Variants in DYNC1H1 observed in about 807,000 individuals in gnomAD.
DYNC1H1 encodes the protein dynein cytoplasmic 1 heavy chain 1.
In DYNC1H1, 51 loss-of-function variants were observed where a neutral mutation model predicts 527.1. The observed-to-expected ratio is 0.10, with a 90% CI of 0.08 to 0.12. DYNC1H1 has a LOEUF of 0.12. Among genes scored for constraint, DYNC1H1 ranks in the 10% least tolerant of loss-of-function variants. DYNC1H1 has a pLI of 1.00. For missense variants in DYNC1H1, 2,771 were observed against 5,971.8 expected (o/e 0.46, Z 17.66); for synonymous variants, 2,189 against 2,278.8 (o/e 0.96, Z 1.12).
rs765527337 is a variant in DYNC1H1 at position 102,017,320 on chromosome 14, C to T, written c.8055+26C>T. On this transcript the variant is annotated intron_variant, in intron 39 of 77. Transcript: ENST00000360184. The surrounding 1 kb of genome is among the most constrained non-coding windows in gnomAD (Gnocchi z 4.6). ...GTTTGTTTCTATCCACAAGGCCCTT[C>T]CTGCCCCACAATGTTTCTTGTTCAA... 22 of 1,614,094 alleles carry T rather than the reference C, an allele frequency of 1.4e-5. No individual in the cohort carries two copies. Among genetic ancestry groups the T allele is most frequent in the Non-Finnish European group, 1.5e-5 (18 of 1,180,042 alleles).
chr14:101,980,656 C>T (rs921383842), intron 5 of DYNC1H1, 106 bp downstream of exon 5: 22 of 1,318,258 alleles, frequency 1.7e-5, no homozygotes, highest in Middle Eastern at 2.1e-4. Flanking sequence ...GATGTACTGT[C>T]GTTTTTAACC....
chr14:102,033,768 C>A lies in DYNC1H1; in HGVS notation c.10414-208C>A, dbSNP rs1207083946. 2.9e-6 allele frequency: 2 copies of A among 695,050 alleles called. No homozygotes were observed. Among genetic ancestry groups the A allele is most frequent in the Non-Finnish European group, 4.9e-6 (2 of 408,698 alleles). The allele number at this position is 695,050 out of a possible 1,614,324, so 43.1% of individuals were successfully genotyped here. On this transcript the variant is annotated intron_variant, in intron 54 of 77. Transcript: ENST00000360184. The surrounding 1 kb of genome is among the most constrained non-coding windows in gnomAD (Gnocchi z 5.6). ...CTGCCTGAGGGCCTCGCTCCGTACCCAGCTTCTGCCCCGCTGAGATTCTGA... is the reference window on the plus strand; with the variant it reads ...CTGCCTGAGGGCCTCGCTCCGTACCAAGCTTCTGCCCCGCTGAGATTCTGA...
intron 43 of DYNC1H1, among the ~76,000 whole-genome samples, chr14:102,025,969 C>T (rs1378893925): frequency 6.6e-6 from 1 of 151,980 alleles, no homozygotes; most frequent in African/African-American, 2.4e-5. Context: ...ACAAAAATTA[C>T]CTGGGCATGG....
chr14:101,976,799 AC>A (rs1422701819), intron 2 of DYNC1H1, among the ~76,000 whole-genome samples: 1 of 152,220 alleles, frequency 6.6e-6, no homozygotes, highest in African/African-American at 2.4e-5. Flanking sequence ...TCAACCAACC[AC>A]AGATAGAAAA....
At position 102,039,818 on chromosome 14, in the gene DYNC1H1, CTTTT is replaced by C; in HGVS notation, c.11690+87_11690+90del. On this transcript the variant is annotated intron_variant, in intron 62 of 77. Transcript: ENST00000360184. The surrounding 1 kb of genome is among the most constrained non-coding windows in gnomAD (Gnocchi z 7.0). ...GATCAGATACATGCTTTTATTATTTCTTTTATTTTCTCTTTTATTTTCTTTATTT... is the reference window on the plus strand; with the variant it reads ...GATCAGATACATGCTTTTATTATTTCATTTTCTCTTTTATTTTCTTTATTT... 23 of 1,411,664 alleles carry C rather than the reference CTTTT, an allele frequency of 1.6e-5. No homozygotes were observed. The highest frequency in any genetic ancestry group is 2.4e-5 in the East Asian group (1 of 41,700). The allele number at this position is 1,411,664 out of a possible 1,614,324, so 87.4% of individuals were successfully genotyped here.
At position 102,005,827 on chromosome 14, in the gene DYNC1H1, C is replaced by T; in HGVS notation, c.5434-61C>T. 8.1e-6 allele frequency: 13 copies of T among 1,603,498 alleles called. No individual in the cohort carries two copies. Among genetic ancestry groups the T allele is most frequent in the East Asian group, 2.2e-5 (1 of 44,838 alleles). On this transcript the variant is annotated intron_variant, in intron 26 of 77. Transcript: ENST00000360184. The surrounding 1 kb of genome is among the most constrained non-coding windows in gnomAD (Gnocchi z 4.0). ...ATTTCAGTTTAACAGTCCACAAACC[C>T]GGAGAATGCACTGTATTGCTTTAGT...
At chr14:101,971,470 T>C (rs2047738312) in intron 1 of DYNC1H1, among the ~76,000 whole-genome samples, 1 of 151,328 alleles carries the variant, frequency 6.6e-6, no homozygotes. Context: ...CTCACGCCTG[T>C]AATCCCAACA....
rs192523201 is a variant in DYNC1H1 at position 102,051,249 on chromosome 14, C to T, written c.*686C>T. On this transcript the variant is annotated 3_prime_UTR_variant, in exon 78 of 78. Coordinates refer to ENST00000360184, the MANE Select transcript of DYNC1H1 (RefSeq NM_001376.5). ...CCAGCCTGGGTGACAGAGCAAGACC[C>T]TGTCTCAAAAAAAAAAAAAGCTGGG... is the stretch of plus-strand genomic sequence containing the variant. 0.053 allele frequency: 7,924 copies of T among 148,198 alleles called. 530 individuals are homozygous for T. The highest frequency in any genetic ancestry group is 0.17 in the African/African-American group (6,455 of 37,326). 9.2% of individuals were successfully genotyped at this position (148,198 alleles called of 1,614,324 possible). A position where few individuals can be genotyped will look rare whatever the true frequency, so the allele number is the denominator to read the frequency against.
intron 43 of DYNC1H1, 34 bp from the exon 44 acceptor site, chr14:102,026,540 C>G: frequency 2.5e-6 from 4 of 1,612,278 alleles, no homozygotes; most frequent in Non-Finnish European, 3.4e-6. Flanking sequence ...ACATTTTTTT[C>G]TAAGTAATTT....
chr14:102,049,983 G>A lies in DYNC1H1; in HGVS notation c.13685-88G>A. ...ATGCACTTAGGGTGACCGGCTGGCAGTTGGGTGGAGCCTCTGGGCGCCCTG... is the reference window on the plus strand; with the variant it reads ...ATGCACTTAGGGTGACCGGCTGGCAATTGGGTGGAGCCTCTGGGCGCCCTG... On this transcript the variant is annotated intron_variant, in intron 76 of 77. Coordinates refer to ENST00000360184, the MANE Select transcript of DYNC1H1 (RefSeq NM_001376.5). The surrounding 1 kb of genome is among the most constrained non-coding windows in gnomAD (Gnocchi z 5.5). 6.2e-7 allele frequency: 1 copy of A among 1,614,020 alleles called. No homozygotes were observed. The highest frequency in any genetic ancestry group is 1.1e-5 in the South Asian group (1 of 91,060).
chr14:102,005,272 G>GACTCTT lies in DYNC1H1; in HGVS notation c.5433+39_5433+44dup, dbSNP rs781157176. On this transcript the variant is annotated intron_variant, in intron 26 of 77. Coordinates refer to ENST00000360184, the MANE Select transcript of DYNC1H1 (RefSeq NM_001376.5). This position sits in a 1 kb window ranked among gnomAD's most constrained non-coding sequence, Gnocchi z 4.0. Reference sequence around the variant, plus strand: ...CACCTGACTCCTTCCTTACCAGTTAGACTCTTACACCCTCAACCACACAGT... The same window carrying GACTCTT: ...CACCTGACTCCTTCCTTACCAGTTAGACTCTTACTCTTACACCCTCAACCACACAGT... The GACTCTT allele has an allele frequency of 1.6e-5, 26 of 1,612,014 alleles. No homozygotes were observed. The highest frequency in any genetic ancestry group is 3.4e-6 in the Non-Finnish European group (4 of 1,178,522).
Position 102,053,141 on chromosome 14 carries a change from C to CT in DYNC1H1, c.*2595dup, listed in dbSNP as rs34327327. The stretch of plus-strand genomic sequence containing the variant: ...CTGCCTTGCAAATGAATTTTTCTTT[C>CT]TTTTTTTTTTTTTTTTTGAGACGGA... On this transcript the variant is annotated 3_prime_UTR_variant, in exon 78 of 78. Transcript: ENST00000360184. 1,259 of 134,838 alleles carry CT rather than the reference C, an allele frequency of 9.3e-3. 16 individuals are homozygous for CT. The highest frequency in any genetic ancestry group is 0.039 in the East Asian group (182 of 4,706). 8.4% of individuals were successfully genotyped at this position (134,838 alleles called of 1,614,324 possible). A position where few individuals can be genotyped will look rare whatever the true frequency, so the allele number is the denominator to read the frequency against.
At chr14:102,024,974 A>G (rs1273246708) in intron 43 of DYNC1H1, among the ~76,000 whole-genome samples, 1 of 151,370 alleles carries the variant, frequency 6.6e-6, no homozygotes, top group Non-Finnish European at 1.5e-5. Context: ...GATTACAGGC[A>G]TGAACCACTG....
In DYNC1H1 at chr14:102,029,405, G is replaced by T; in HGVS notation, c.9469-134G>T. The T allele has an allele frequency of 2.5e-6, 3 of 1,179,794 alleles. No homozygotes were observed. The highest frequency in any genetic ancestry group is 4.0e-5 in the Admixed American group (2 of 49,562). The allele number at this position is 1,179,794 out of a possible 1,614,324, so 73.1% of individuals were successfully genotyped here. A position where few individuals can be genotyped will look rare whatever the true frequency, so the allele number is the denominator to read the frequency against. Reference sequence around the variant, plus strand: ...GCTCTAAGTGGCTAAGCTGAGGCCCGACTCGAGTGTTCTGGCCCCGAGGGC... The same window carrying T: ...GCTCTAAGTGGCTAAGCTGAGGCCCTACTCGAGTGTTCTGGCCCCGAGGGC... On this transcript the variant is annotated intron_variant, in intron 48 of 77. Transcript: ENST00000360184. This position sits in a 1 kb window ranked among gnomAD's most constrained non-coding sequence, Gnocchi z 5.3.
intron 72 of DYNC1H1, 102 bp from the exon 73 acceptor site, chr14:102,047,715 C>A: frequency 7.0e-7 from 1 of 1,419,656 alleles, no homozygotes; most frequent in Non-Finnish European, 9.7e-7. Flanking sequence ...CCAGTGTGGA[C>A]TCACTCACCA....
chr14:102,049,352 A>G lies in DYNC1H1; in HGVS notation c.13373-88A>G. On this transcript the variant is annotated intron_variant, in intron 74 of 77. Transcript: ENST00000360184. The surrounding 1 kb of genome is among the most constrained non-coding windows in gnomAD (Gnocchi z 5.5). ...CCGCCAGCCGCCTGTGTGGGCAGCC[A>G]GGATGCCTAGCACTTGCACATTTGT... The G allele has an allele frequency of 6.3e-7, 1 of 1,596,296 alleles. No individual in the cohort carries two copies. Among genetic ancestry groups the G allele is most frequent in the Non-Finnish European group, 8.5e-7 (1 of 1,173,446 alleles).
chr14:101,976,285 G>A (rs2047799673), intron 2 of DYNC1H1, among the ~76,000 whole-genome samples: 1 of 151,146 alleles, frequency 6.6e-6, no homozygotes, highest in African/African-American at 2.4e-5. Context: ...GCTCACGCCT[G>A]TAATCCCAGC....
At chr14:102,037,118 C>T (rs547255215) in intron 57 of DYNC1H1, 182 of 194,164 alleles carry the variant, frequency 9.4e-4, no homozygotes, top group African/African-American at 4.2e-3. Flanking sequence ...AAATTATATT[C>T]AGTACAGCCA....
Position 102,048,625 on chromosome 14 carries a change from A to G in DYNC1H1, c.13328A>G (p.Lys4443Arg). ...GTCCAGGTGTGCGAAGGAAAGAAGA[A>G]GCAGACCAACTACTTGCGCACGCTG... Reference protein sequence around the residue: ...DVVQVCEGKKKQTNYLRTLIN... With the variant: ...DVVQVCEGKKRQTNYLRTLIN... The change falls in exon 74 of 78, where the codon AAG (lysine) becomes AGG (arginine). Residue 4443 changes from lysine to arginine, a missense_variant. By Grantham distance (26) the Lys-to-Arg change is conservative. Around this residue, in one of 32 missense-constraint regions of DYNC1H1, gnomAD observed 170 missense variants for 249.8 expected, o/e 0.68. Transcript: ENST00000360184. 1 of 1,614,056 alleles carries G rather than the reference A, an allele frequency of 6.2e-7. No individual in the cohort carries two copies. Among genetic ancestry groups the G allele is most frequent in the Non-Finnish European group, 8.5e-7 (1 of 1,180,040 alleles).
Sources: allele counts gnomAD v4.1 joint callset (sites outside exome capture counted in the v4.1 genomes callset), GRCh38; gene constraint gnomAD v4.1.1; regional missense constraint gnomAD v4.1.1; non-coding constraint Gnocchi (gnomAD v3.1); transcripts MANE v1.5; gene names NCBI Gene and HGNC (gene_info 2026-07-23, HGNC 2026-07-21).